Variants in TGFB2 observed in about 807,000 individuals in gnomAD.
TGFB2 encodes the protein transforming growth factor beta 2, also known as transforming growth factor beta-2 proprotein.
A neutral mutation model predicts 42.7 loss-of-function variants in TGFB2; 13 were observed. The observed-to-expected ratio is 0.30, with a 90% confidence interval of 0.20 to 0.48. The LOEUF is 0.48. TGFB2 is among the 20% of genes least tolerant of loss of function. The pLI is 0.99. For synonymous variants in TGFB2, 193 were observed against 193.6 expected (o/e 1.00, Z 0.03); for missense variants, 390 against 517.5 (o/e 0.75, Z 2.39).
At chr1:218,429,309 C>T (rs1170517694) in intron 2 of TGFB2, among the ~76,000 whole-genome samples, 3 of 152,222 alleles carry the variant, frequency 2.0e-5, no homozygotes, top group East Asian at 3.9e-4. Flanking sequence ...TATGAATTTG[C>T]CTATTTAAAG....
At chr1:218,408,140 T>C (rs1658974468) in intron 2 of TGFB2, among the ~76,000 whole-genome samples, 1 of 152,204 alleles carries the variant, frequency 6.6e-6, no homozygotes, top group African/African-American at 2.4e-5. Flanking sequence ...TAGGTCCTGT[T>C]ACCTGTAATG....
intron 1 of TGFB2, among the ~76,000 whole-genome samples, chr1:218,356,107 A>G (rs183334831): frequency 1.1e-3 from 162 of 152,332 alleles, no homozygotes; most frequent in Non-Finnish European, 1.9e-3. Flanking sequence ...GGAGATCCAC[A>G]TAGTATATAC....
intron 1 of TGFB2, among the ~76,000 whole-genome samples, chr1:218,381,851 A>G (rs6686287): frequency 2.0e-5 from 3 of 151,614 alleles, no homozygotes; most frequent in Admixed American, 6.6e-5. Flanking sequence ...GTGTGTGTGC[A>G]CACGCGCGTG....
intron 1 of TGFB2, among the ~76,000 whole-genome samples, chr1:218,391,989 G>A (rs1658329069): frequency 6.6e-6 from 1 of 152,178 alleles, no homozygotes; most frequent in African/African-American, 2.4e-5. Flanking sequence ...AATGTGAAAG[G>A]AAAGATGGGA....
intron 1 of TGFB2, among the ~76,000 whole-genome samples, chr1:218,391,113 A>G (rs1476063661): frequency 6.6e-6 from 1 of 152,220 alleles, no homozygotes; most frequent in East Asian, 1.9e-4. Context: ...TTTTCAAGGA[A>G]GTATATTTTG....
At position 218,346,884 on chromosome 1, in the gene TGFB2, G is replaced by A. The variant is rs764288352; in HGVS notation, c.183G>A (p.Glu61=). The A allele has an allele frequency of 1.1e-5, 18 of 1,614,078 alleles. 1 individual carries two copies. Among genetic ancestry groups the A allele is most frequent in the Non-Finnish European group, 4.2e-6 (5 of 1,180,050 alleles). Residue 61 remains glutamate, a synonymous_variant, in exon 1 of 7, where the codon GAG becomes GAA. Coordinates refer to ENST00000366930, the MANE Select transcript of TGFB2 (RefSeq NM_003238.6). The surrounding 1 kb of genome is among the most constrained non-coding windows in gnomAD (Gnocchi z 4.9). ...TSPPEDYPEP[E]EVPPEVISIY... is the part of the protein sequence containing the mutation. Reference sequence around the variant, plus strand: ...CCCCAGAAGACTATCCTGAGCCCGAGGAAGTCCCCCCGGAGGTGATTTCCA... The same window carrying A: ...CCCCAGAAGACTATCCTGAGCCCGAAGAAGTCCCCCCGGAGGTGATTTCCA...
At chr1:218,413,480 G>A (rs192823582) in intron 2 of TGFB2, among the ~76,000 whole-genome samples, 10 of 152,320 alleles carry the variant, frequency 6.6e-5, no homozygotes, top group East Asian at 1.9e-4. Flanking sequence ...AGGCATCGGC[G>A]CTGTGCATTT....
intron 2 of TGFB2, among the ~76,000 whole-genome samples, chr1:218,414,463 G>A (rs1422529083): frequency 6.6e-6 from 1 of 151,950 alleles, no homozygotes; most frequent in Non-Finnish European, 1.5e-5. Flanking sequence ...GCGCCACATT[G>A]GAGACATACA....
At chr1:218,395,753 AG>A (rs1658488174) in intron 1 of TGFB2, among the ~76,000 whole-genome samples, 1 of 151,886 alleles carries the variant, frequency 6.6e-6, no homozygotes, top group Non-Finnish European at 1.5e-5. Context: ...CTGGGACTAC[AG>A]GCGTCTGCCA....
intron 1 of TGFB2, chr1:218,363,372 G>C: frequency 6.2e-7 from 1 of 1,613,944 alleles, no homozygotes; most frequent in Non-Finnish European, 8.5e-7. Flanking sequence ...TGGCTCAGTG[G>C]GCAGCTTGTG....
intron 1 of TGFB2, among the ~76,000 whole-genome samples, chr1:218,360,193 C>T (rs1657164885): frequency 2.0e-5 from 3 of 152,114 alleles, no homozygotes; most frequent in African/African-American, 4.8e-5. Context: ...CTTGATAAGG[C>T]GGCCAGGTGA....
chr1:218,350,010 G>T (rs898883810), intron 1 of TGFB2, among the ~76,000 whole-genome samples: 1 of 152,172 alleles, frequency 6.6e-6, no homozygotes, highest in East Asian at 1.9e-4. Context: ...AAGGTTTACC[G>T]ATAGTTTGCC....
intron 1 of TGFB2, among the ~76,000 whole-genome samples, chr1:218,361,847 C>G (rs1372893085): frequency 1.3e-5 from 2 of 152,182 alleles, no homozygotes; most frequent in Non-Finnish European, 2.9e-5. Flanking sequence ...AAATAAACAG[C>G]ATGGTTTCTT....
chr1:218,362,790 A>G (rs942851002), intron 1 of TGFB2, among the ~76,000 whole-genome samples: 4 of 152,220 alleles, frequency 2.6e-5, no homozygotes, highest in Non-Finnish European at 4.4e-5. Flanking sequence ...TCCATTTCAG[A>G]GAGCTCTAGC....
At chr1:218,408,752 C>T (rs183060039) in intron 2 of TGFB2, among the ~76,000 whole-genome samples, 41 of 152,320 alleles carry the variant, frequency 2.7e-4, no homozygotes, top group African/African-American at 9.4e-4. Flanking sequence ...GAGGAGGACA[C>T]CGTGACATCA....
intron 1 of TGFB2, among the ~76,000 whole-genome samples, chr1:218,387,001 T>G (rs1658158980): frequency 6.6e-6 from 1 of 152,170 alleles, no homozygotes; most frequent in Non-Finnish European, 1.5e-5. Context: ...TAATACACAG[T>G]ATGATAAGTG....
At chr1:218,370,877 G>T (rs926380300) in intron 1 of TGFB2, among the ~76,000 whole-genome samples, 2 of 152,196 alleles carry the variant, frequency 1.3e-5, no homozygotes, top group Non-Finnish European at 2.9e-5. Flanking sequence ...GTAGGAATTG[G>T]GTACAAGGGA....
At chr1:218,420,496 T>G (rs1659420467) in intron 2 of TGFB2, among the ~76,000 whole-genome samples, 1 of 152,222 alleles carries the variant, frequency 6.6e-6, no homozygotes, top group Non-Finnish European at 1.5e-5. Context: ...GAAATGGATT[T>G]ACTTGTTTAT....
chr1:218,405,455 C>T, intron 2 of TGFB2, 123 bp downstream of exon 2: 1 of 1,549,670 alleles, frequency 6.5e-7, no homozygotes, highest in East Asian at 2.3e-5. Flanking sequence ...ACCTTGAACT[C>T]CTGGGTTCAA....
Sources: gnomAD v4.1 joint callset for allele counts (sites outside exome capture counted in the v4.1 genomes callset) on GRCh38, gnomAD v4.1.1 for gene constraint, Gnocchi (gnomAD v3.1) non-coding constraint, MANE v1.5 for transcripts, NCBI Gene and HGNC (gene_info 2026-07-23, HGNC 2026-07-21) for gene names.